LAMA2: variants seen among roughly 807,000 people sequenced by gnomAD.
LAMA2 encodes the protein laminin subunit alpha 2.
A neutral mutation model predicts 364.8 loss-of-function variants in LAMA2; 269 were observed. That is an observed-to-expected ratio of 0.74 (90% CI 0.67 to 0.82). The LOEUF (loss-of-function observed/expected upper bound fraction) is 0.82. LAMA2 is among the 40% of genes least tolerant of loss of function. The probability of loss-of-function intolerance (pLI) is 0.00; values close to 1 mark genes in which losing one functional copy is unlikely to be tolerated. For missense variants in LAMA2, 3,807 were observed against 3,873.2 expected, an observed-to-expected ratio of 0.98 and a Z score of 0.45; for synonymous variants, 1,379 against 1,370.6, an observed-to-expected ratio of 1.01 and a Z score of -0.14.
At chr6:129,498,525 T>G (rs757287367) in intron 58 of LAMA2, among the ~76,000 whole-genome samples, 1 of 152,212 alleles carries the variant, frequency 6.6e-6, no homozygotes, top group Non-Finnish European at 1.5e-5. Context: ...TAATTCAGTT[T>G]CTCAATAAAC....
intron 12 of LAMA2, among the ~76,000 whole-genome samples, chr6:129,231,036 G>C (rs1426090136): frequency 1.3e-5 from 2 of 152,080 alleles, no homozygotes; most frequent in Non-Finnish European, 2.9e-5. Flanking sequence ...CTAAATATCA[G>C]TAGCACTTTG....
chr6:128,953,037 TC>T (rs1376650263), intron 1 of LAMA2, among the ~76,000 whole-genome samples: 1 of 152,162 alleles, frequency 6.6e-6, no homozygotes, highest in East Asian at 1.9e-4. Context: ...GAAAAATACC[TC>T]CTGTTCTTAA....
chr6:129,486,364 C>T lies in LAMA2; in HGVS notation c.7750-110C>T, dbSNP rs994041403. Reference sequence around the variant, plus strand: ...GTTTGAGAAAATAAAGTCTTAATTTCTCAGGTAAGATCTCAGAGCAGACGA... The same window carrying T: ...GTTTGAGAAAATAAAGTCTTAATTTTTCAGGTAAGATCTCAGAGCAGACGA... On this transcript the variant is annotated intron_variant, in intron 55 of 64. Coordinates refer to ENST00000421865, the MANE Select transcript of LAMA2 (RefSeq NM_000426.4). 51 of 998,522 alleles carry T rather than the reference C, an allele frequency of 5.1e-5. No individual in the cohort carries two copies. In the African/African-American group the frequency reaches 6.5e-4, roughly 13 times the overall value. The allele number at this position is 998,522 out of a possible 1,614,324, so 61.9% of individuals were successfully genotyped here. A position where few individuals can be genotyped will look rare whatever the true frequency, so the allele number is the denominator to read the frequency against.
chr6:129,300,943 G>A, intron 22 of LAMA2, 71 bp downstream of exon 22: 1 of 1,377,000 alleles, frequency 7.3e-7, no homozygotes, highest in Non-Finnish European at 1.0e-6. Context: ...CTGTAATTGG[G>A]CATTTCAAAA....
chr6:129,346,671 TG>T (rs1198829275), intron 30 of LAMA2, among the ~76,000 whole-genome samples: 1 of 152,224 alleles, frequency 6.6e-6, no homozygotes, highest in African/African-American at 2.4e-5. Flanking sequence ...ATGCTAGGCA[TG>T]GCTCTTCGTA....
chr6:129,049,678 G>A (rs1282837221), intron 1 of LAMA2, among the ~76,000 whole-genome samples: 3 of 151,980 alleles, frequency 2.0e-5, no homozygotes, highest in African/African-American at 7.3e-5. Context: ...AAATATTAGA[G>A]ATAAAAAATT....
intron 9 of LAMA2, among the ~76,000 whole-genome samples, chr6:129,166,940 C>G (rs146524592): frequency 6.6e-6 from 1 of 152,246 alleles, no homozygotes; most frequent in East Asian, 1.9e-4. Flanking sequence ...ACCCTCTCAA[C>G]TTTATATGGA....
In LAMA2 at chr6:129,094,110, G is replaced by A. The variant is rs868677843; in HGVS notation, c.397-4063G>A. Among the ~76,000 whole-genome samples the A allele has an allele frequency of 6.6e-5, 10 of 152,248 alleles. No individual in the cohort carries two copies. The South Asian group carries it at 1.5e-3, about 22-fold the overall frequency. ...TTATTAGGGCCATTAAATATTTGGA[G>A]TACAGTACTTAGAAAATCACTGTTA... On this transcript the variant is annotated intron_variant, in intron 3 of 64. Coordinates refer to ENST00000421865, the MANE Select transcript of LAMA2 (RefSeq NM_000426.4).
At chr6:129,507,745 T>C (rs1463514198) in intron 62 of LAMA2, 103 bp downstream of exon 62, 1 of 1,202,640 alleles carries the variant, frequency 8.3e-7, no homozygotes, top group African/African-American at 1.5e-5. Context: ...TAAACTAGTA[T>C]CCTTTATTTA....
At position 129,315,648 on chromosome 6, in the gene LAMA2, G is replaced by C; in HGVS notation, c.3728G>C (p.Gly1243Ala). 6.2e-7 allele frequency: 1 copy of C among 1,614,082 alleles called. No homozygotes were observed. Among genetic ancestry groups the C allele is most frequent in the Non-Finnish European group, 8.5e-7 (1 of 1,179,958 alleles). ...TGGAAACTTCCAGAACAATTTGAAG[G>C]AAAGAAGGTAAGCACAAGAACTTTA... ...FYWKLPEQFE[G>A]KKLMAYGGKL... Residue 1243 changes from glycine to alanine, a missense_variant, in exon 25 of 65, where the codon GGA becomes GCA. By Grantham distance (60) the Gly-to-Ala change is moderately conservative. Transcript: ENST00000421865.
intron 1 of LAMA2, among the ~76,000 whole-genome samples, chr6:128,997,782 G>A (rs1366866787): frequency 6.6e-6 from 1 of 152,010 alleles, no homozygotes; most frequent in Non-Finnish European, 1.5e-5. Context: ...CCAACAGAGC[G>A]AGACTCTGTC....
intron 1 of LAMA2, among the ~76,000 whole-genome samples, chr6:129,005,750 A>G (rs1784411042): frequency 6.8e-6 from 1 of 147,774 alleles, no homozygotes; most frequent in Admixed American, 6.7e-5. Flanking sequence ...AATTTTTTGG[A>G]TCTATCTATC....
Position 129,516,306 on chromosome 6 carries a change from G to A in LAMA2, c.9328G>A (p.Glu3110Lys), listed in dbSNP as rs140829166. The change falls in exon 65 of 65, where the codon GAA becomes AAA. Residue 3110 changes from glutamate (E) to lysine (K), a missense_variant. This residue lies in a region of LAMA2 where 3,333 missense variants were observed against 3,345.7 expected (regional missense o/e 1.00). Coordinates refer to ENST00000421865, the MANE Select transcript of LAMA2 (RefSeq NM_000426.4). The part of the protein sequence containing the change: ...PLEVNFAKAL[E>K]LRGVQPVSCP... ...GGAGGTTAATTTTGCCAAGGCCCTGGAACTGAGGGGCGTTCAACCTGTATC... is the reference window on the plus strand; with the variant it reads ...GGAGGTTAATTTTGCCAAGGCCCTGAAACTGAGGGGCGTTCAACCTGTATC... 285 of 1,614,094 alleles carry A rather than the reference G, an allele frequency of 1.8e-4. No individual in the cohort carries two copies. The highest frequency in any genetic ancestry group is 2.4e-4 in the Non-Finnish European group (279 of 1,180,000).
intron 62 of LAMA2, among the ~76,000 whole-genome samples, chr6:129,511,562 G>A (rs2114927316): frequency 6.6e-6 from 1 of 152,118 alleles, no homozygotes; most frequent in South Asian, 2.1e-4. Context: ...AGACAGCCGT[G>A]GCTACACATA....
At chr6:129,185,692 G>A (rs9492264) in intron 10 of LAMA2, among the ~76,000 whole-genome samples, 43,964 of 151,504 alleles carry the variant, frequency 0.29, 7,829 homozygotes, top group African/African-American at 0.52. Flanking sequence ...GGGACATGAT[G>A]ATAAAAAATA....
At chr6:129,247,995 G>T (rs1785887987) in intron 12 of LAMA2, among the ~76,000 whole-genome samples, 1 of 152,088 alleles carries the variant, frequency 6.6e-6, no homozygotes, top group African/African-American at 2.4e-5. Context: ...CCAACTCCCG[G>T]GCTATACAGG....
chr6:129,365,040 C>G (rs1777682403), intron 32 of LAMA2, among the ~76,000 whole-genome samples: 1 of 152,216 alleles, frequency 6.6e-6, no homozygotes, highest in African/African-American at 2.4e-5. Flanking sequence ...TCCAGTGATT[C>G]AATACCTCCC....
intron 1 of LAMA2, among the ~76,000 whole-genome samples, chr6:129,004,848 C>T (rs1021872544): frequency 6.6e-6 from 1 of 151,804 alleles, no homozygotes; most frequent in Admixed American, 6.6e-5. Context: ...TTAACCAGCA[C>T]TTAACACCTT....
At chr6:128,934,626 T>C (rs1276212058) in intron 1 of LAMA2, among the ~76,000 whole-genome samples, 2 of 152,014 alleles carry the variant, frequency 1.3e-5, no homozygotes, top group African/African-American at 2.4e-5. Flanking sequence ...CTCAGCCTCC[T>C]GAGTAGCTGA....
Sources: allele counts gnomAD v4.1 joint callset (sites outside exome capture counted in the v4.1 genomes callset), GRCh38; gene constraint gnomAD v4.1.1; regional missense constraint gnomAD v4.1.1; transcripts MANE v1.5; gene names NCBI Gene and HGNC (gene_info 2026-07-23, HGNC 2026-07-21).